The following AMPH variants were observed in gnomAD, a reference collection of about 807,000 sequenced individuals.
The protein encoded by AMPH is amphiphysin.
AMPH carries 49 observed loss-of-function variants against 99.1 expected under a neutral mutation model. The ratio of observed to expected loss-of-function variants is 0.49; its 90% confidence interval spans 0.39 to 0.63. The LOEUF (loss-of-function observed/expected upper bound fraction) is 0.63, where lower values mean the gene tolerates loss of function less well. Among genes scored for constraint, AMPH ranks in the 20% least tolerant of loss-of-function variants. The probability of loss-of-function intolerance (pLI) is 0.00; values close to 1 mark genes in which losing one functional copy is unlikely to be tolerated. For missense variants in AMPH, 759 were observed against 863.4 expected, an observed-to-expected ratio of 0.88 and a Z score of 1.52; for synonymous variants, 314 against 317.3, an observed-to-expected ratio of 0.99 and a Z score of 0.11.
At position 38,469,025 on chromosome 7, in the gene AMPH, G is replaced by A. The variant is rs1194902711; in HGVS notation, c.591-2777C>T. Among the ~76,000 whole-genome samples, 2 of 115,510 alleles carry A rather than the reference G, an allele frequency of 1.7e-5. 1 individual carries two copies. The highest frequency in any genetic ancestry group is 7.1e-5 in the African/African-American group (2 of 28,348). 75.8% of individuals were successfully genotyped at this position (115,510 alleles called of 152,430 possible). A position where few individuals can be genotyped will look rare whatever the true frequency, so the allele number is the denominator to read the frequency against. On this transcript the variant is annotated intron_variant, in intron 7 of 20. Transcript: ENST00000356264. Reference sequence around the variant, plus strand: ...AAAAATTAGCCGGGCGTAGTGGCGGGCGCCTGTAGTCCCAGCTACTCGGGA... The same window carrying A: ...AAAAATTAGCCGGGCGTAGTGGCGGACGCCTGTAGTCCCAGCTACTCGGGA...
chr7:38,624,782 A>T (rs1584319201), intron 1 of AMPH, among the ~76,000 whole-genome samples: 1 of 152,142 alleles, frequency 6.6e-6, no homozygotes, highest in Admixed American at 6.6e-5. Flanking sequence ...TTTCCATCTC[A>T]TTCCAAAGCC....
rs762322837 is a variant in AMPH, at chr7:38,463,120, G to A, written c.750-7C>T. 6.8e-6 allele frequency: 11 copies of A among 1,613,784 alleles called. No homozygotes were observed. Among genetic ancestry groups the A allele is most frequent in the Non-Finnish European group, 8.5e-6 (10 of 1,179,858 alleles). ...GCGGAGAGGACCCGAATCACTAGAG[G>A]AACACAGGGGATTGGGCAAGGGGCC... On this transcript the variant is annotated splice_polypyrimidine_tract_variant and splice_region_variant and intron_variant, in intron 9 of 20. Coordinates refer to ENST00000356264, the MANE Select transcript of AMPH (RefSeq NM_001635.4).
chr7:38,469,396 A>G lies in AMPH; in HGVS notation c.591-3148T>C, dbSNP rs185893083. On this transcript the variant is annotated intron_variant, in intron 7 of 20. Transcript: ENST00000356264. ...CAGAAATAAAGGAAAAATTAAGTTG[A>G]GCTTATCACAGCTACAGATTGCAGA... Among the ~76,000 whole-genome samples the G allele has an allele frequency of 1.1e-3, 160 of 152,220 alleles. 1 individual carries two copies. The South Asian group carries it at 0.025, about 24-fold the overall frequency.
At chr7:38,585,182 T>C (rs1375263737) in intron 1 of AMPH, among the ~76,000 whole-genome samples, 3 of 152,170 alleles carry the variant, frequency 2.0e-5, no homozygotes, top group South Asian at 2.1e-4. Flanking sequence ...CCCCATGGCA[T>C]AGATACCACT....
chr7:38,504,709 T>C (rs1040208168), intron 2 of AMPH, among the ~76,000 whole-genome samples: 5 of 152,078 alleles, frequency 3.3e-5, no homozygotes, highest in South Asian at 2.1e-4. Context: ...AATATATCTA[T>C]ATAGAAGCAG....
intron 17 of AMPH, among the ~76,000 whole-genome samples, chr7:38,414,239 A>G (rs1785300591): frequency 6.6e-6 from 1 of 152,242 alleles, no homozygotes; most frequent in South Asian, 2.1e-4. Flanking sequence ...GTTTAGTGGT[A>G]AAATTTTTAA....
chr7:38,609,791 G>A (rs1793563372), intron 1 of AMPH, among the ~76,000 whole-genome samples: 1 of 151,972 alleles, frequency 6.6e-6, no homozygotes, highest in Admixed American at 6.6e-5. Context: ...ATTCACAATT[G>A]TAAAGTATCT....
In AMPH at chr7:38,436,364, C is replaced by T. The variant is rs765183592; in HGVS notation, c.1042G>A (p.Glu348Lys). 6.8e-6 allele frequency: 11 copies of T among 1,614,012 alleles called. No individual in the cohort carries two copies. The Admixed American group carries it at 1.2e-4, about 17-fold the overall frequency. Residue 348 changes from glutamate (E) to lysine (K), a missense_variant, in exon 12 of 21, where the codon GAG becomes AAG. Around this residue, in one of 2 missense-constraint regions of AMPH, gnomAD observed 554 missense variants for 575.6 expected, o/e 0.96. Transcript: ENST00000356264. ...AAGTCCAGATCCAGCAAAGTCTCCT[C>T]TTTCTTCACCTCAGGGACTTCATTC... The part of the protein sequence containing the change: ...SQNEVPEVKK[E>K]ETLLDLDFDP...
chr7:38,439,262 G>C (rs564000610), intron 11 of AMPH, among the ~76,000 whole-genome samples: 1 of 152,276 alleles, frequency 6.6e-6, no homozygotes, highest in South Asian at 2.1e-4. Context: ...CTTTATAGCA[G>C]TGTGAAAATG....
intron 1 of AMPH, among the ~76,000 whole-genome samples, chr7:38,618,931 A>G (rs888063216): frequency 9.2e-5 from 14 of 152,254 alleles, no homozygotes; most frequent in African/African-American, 3.4e-4. Flanking sequence ...TAAAAGGCAG[A>G]GATTGGCAAA....
intron 2 of AMPH, among the ~76,000 whole-genome samples, chr7:38,522,686 G>A (rs1479237101): frequency 2.0e-5 from 3 of 152,302 alleles, no homozygotes; most frequent in Middle Eastern, 3.4e-3. Context: ...TGCAGCACAG[G>A]AGACAAAGAG....
At chr7:38,565,573 C>T (rs1406061357) in intron 1 of AMPH, among the ~76,000 whole-genome samples, 1 of 152,152 alleles carries the variant, frequency 6.6e-6, no homozygotes, top group Non-Finnish European at 1.5e-5. Flanking sequence ...TGGATTAGTG[C>T]CCATCCTAAT....
intron 11 of AMPH, among the ~76,000 whole-genome samples, chr7:38,440,773 A>G (rs1786475562): frequency 6.6e-6 from 1 of 152,126 alleles, no homozygotes; most frequent in South Asian, 2.1e-4. Context: ...TGACAAAACA[A>G]TGTTATAGCT....
intron 7 of AMPH, among the ~76,000 whole-genome samples, chr7:38,472,976 A>T (rs1787940174): frequency 6.6e-6 from 1 of 152,206 alleles, no homozygotes; most frequent in Admixed American, 6.5e-5. Flanking sequence ...AATAACATCA[A>T]TGCTAGTTTT....
intron 17 of AMPH, among the ~76,000 whole-genome samples, chr7:38,416,072 C>T (rs1285866527): frequency 8.0e-6 from 1 of 125,122 alleles, no homozygotes; most frequent in Non-Finnish European, 1.7e-5. Flanking sequence ...TTTCATATTA[C>T]CCTTAGTTTA....
chr7:38,572,749 G>A (rs1221523222), intron 1 of AMPH, among the ~76,000 whole-genome samples: 1 of 152,116 alleles, frequency 6.6e-6, no homozygotes, highest in Non-Finnish European at 1.5e-5. Flanking sequence ...TGACCCTCTG[G>A]TCTCCCAGCA....
intron 17 of AMPH, among the ~76,000 whole-genome samples, chr7:38,399,858 T>C (rs1231893626): frequency 2.0e-5 from 3 of 152,074 alleles, no homozygotes; most frequent in Non-Finnish European, 4.4e-5. Flanking sequence ...TCAAATATAT[T>C]TATGGGGGAA....
intron 2 of AMPH, among the ~76,000 whole-genome samples, chr7:38,525,445 CGTGTGTGT>C (rs146505083): frequency 2.8e-4 from 35 of 125,490 alleles, no homozygotes; most frequent in South Asian, 1.8e-3. Flanking sequence ...CTCATTTGTG[CGTGTGTGT>C]GTGTGTGTGT....
At chr7:38,473,882 A>T (rs965532985) in intron 7 of AMPH, among the ~76,000 whole-genome samples, 1 of 152,142 alleles carries the variant, frequency 6.6e-6, no homozygotes, top group African/African-American at 2.4e-5. Context: ...TATTTGTTTT[A>T]TCTCTATCCC....
Sources: gnomAD v4.1 joint callset for allele counts (sites outside exome capture counted in the v4.1 genomes callset) on GRCh38, gnomAD v4.1.1 for gene constraint, gnomAD v4.1.1 regional missense constraint, MANE v1.5 for transcripts, NCBI Gene and HGNC (gene_info 2026-07-23, HGNC 2026-07-21) for gene names.